TOM1: variants seen among roughly 807,000 people sequenced by gnomAD.
TOM1 encodes the protein target of Myb protein 1.
Under a neutral mutation model 61.3 loss-of-function variants are expected in TOM1, and 38 were observed. The observed-to-expected ratio is 0.62, with a 90% CI of 0.48 to 0.81. The LOEUF (loss-of-function observed/expected upper bound fraction) is 0.81, where lower values mean the gene tolerates loss of function less well. TOM1 is among the 40% of genes least tolerant of loss of function. The pLI is 0.00. For missense variants in TOM1, 591 were observed against 659.6 expected, an observed-to-expected ratio of 0.90 and a Z score of 1.14; for synonymous variants, 270 against 268.8, an observed-to-expected ratio of 1.00 and a Z score of -0.04.
intron 11 of TOM1, among the ~76,000 whole-genome samples, chr22:35,338,393 G>T (rs1478278826): frequency 6.6e-6 from 1 of 152,160 alleles, no homozygotes; most frequent in East Asian, 1.9e-4. Flanking sequence ...GGTCTGCTGG[G>T]AATTCTCCAT....
chr22:35,331,183 C>T (rs1349780715), intron 8 of TOM1: 3 of 379,956 alleles, frequency 7.9e-6, no homozygotes, highest in African/African-American at 4.3e-5. Flanking sequence ...GCAGCCTCAA[C>T]CTCCTGGGCT....
At position 35,323,368 on chromosome 22, in the gene TOM1, G is replaced by A. The variant is rs1928005915; in HGVS notation, c.367-128G>A. The A allele has an allele frequency of 1.4e-6, 2 of 1,395,992 alleles. No homozygotes were observed. The highest frequency in any genetic ancestry group is 9.8e-7 in the Non-Finnish European group (1 of 1,024,688). 86.5% of individuals were successfully genotyped at this position (1,395,992 alleles called of 1,614,324 possible). ...CAACTGCGTGCTTTGCTGTGGAGTGGGCAGGGCAGATGTAGTTAAAAAAAA... is the reference window on the plus strand; with the variant it reads ...CAACTGCGTGCTTTGCTGTGGAGTGAGCAGGGCAGATGTAGTTAAAAAAAA... On this transcript the variant is annotated intron_variant, in intron 4 of 14. Transcript: ENST00000449058. The surrounding 1 kb of genome is among the most constrained non-coding windows in gnomAD (Gnocchi z 4.2).
chr22:35,315,871 G>A (rs952058331), intron 1 of TOM1, among the ~76,000 whole-genome samples: 1 of 152,230 alleles, frequency 6.6e-6, no homozygotes, highest in Non-Finnish European at 1.5e-5. Flanking sequence ...CCTTAAAGCA[G>A]GGACCATGCC....
At position 35,332,586 on chromosome 22, in the gene TOM1, A is replaced by G. The variant is rs570639274; in HGVS notation, c.900-395A>G. The stretch of plus-strand genomic sequence containing the variant: ...TCTTACAGCACTGAAGAGAGCACTA[A>G]CACACACACACACACACACATACAC... On this transcript the variant is annotated intron_variant, in intron 8 of 14. Coordinates refer to ENST00000449058, the MANE Select transcript of TOM1 (RefSeq NM_005488.3). 1.1e-4 allele frequency among the ~76,000 whole-genome samples: 9 copies of G among 84,470 alleles called. No individual in the cohort carries two copies. In the South Asian group the frequency reaches 3.0e-3, roughly 28 times the overall value. The allele number at this position is 84,470 out of a possible 152,430, so 55.4% of individuals were successfully genotyped here. A position where few individuals can be genotyped will look rare whatever the true frequency, so the allele number is the denominator to read the frequency against.
At position 35,327,348 on chromosome 22, in the gene TOM1, G is replaced by A. The variant is rs1307806288; in HGVS notation, c.726G>A (p.Val242=). 3 of 1,613,792 alleles carry A rather than the reference G, an allele frequency of 1.9e-6. No individual in the cohort carries two copies. The highest frequency in any genetic ancestry group is 2.5e-6 in the Non-Finnish European group (3 of 1,179,998). ...RVMSEMLTEL[V]PTQAEPADLE... ...TGTCGGAGATGCTGACGGAGCTGGT[G>A]CCCACCCAGGCCGAGCCCGCAGACC... Residue 242 remains valine (V), a synonymous_variant, in exon 7 of 15, where the codon GTG becomes GTA. Transcript: ENST00000449058.
At chr22:35,343,386 A>G (rs1193679050) in intron 12 of TOM1, among the ~76,000 whole-genome samples, 3 of 98,406 alleles carry the variant, frequency 3.0e-5, no homozygotes, top group Admixed American at 2.4e-4. Flanking sequence ...ACACACCTCC[A>G]CTCATAAACC....
chr22:35,327,360 C>T lies in TOM1; in HGVS notation c.738C>T (p.Ala246=), dbSNP rs771800465. Residue 246 remains alanine, a synonymous_variant, in exon 7 of 15, where the codon GCC becomes GCT. Coordinates refer to ENST00000449058, the MANE Select transcript of TOM1 (RefSeq NM_005488.3). ...TGACGGAGCTGGTGCCCACCCAGGC[C>T]GAGCCCGCAGACCTGGAGCTGCTGC... ...EMLTELVPTQ[A]EPADLELLQE... is the part of the protein sequence containing the mutation. The T allele has an allele frequency of 6.8e-6, 11 of 1,613,584 alleles. No individual in the cohort carries two copies. Among genetic ancestry groups the T allele is most frequent in the South Asian group, 6.6e-5 (6 of 91,060 alleles).
intron 1 of TOM1, among the ~76,000 whole-genome samples, chr22:35,315,394 C>T (rs1014919192): frequency 2.0e-5 from 3 of 152,174 alleles, no homozygotes. Context: ...CTAACCCCCG[C>T]CCCAAAACCC....
At chr22:35,303,674 T>A (rs1173225992) in intron 1 of TOM1, among the ~76,000 whole-genome samples, 1 of 152,010 alleles carries the variant, frequency 6.6e-6, no homozygotes, top group African/African-American at 2.4e-5. Flanking sequence ...ATTTTTGTAT[T>A]TTTAGTAGAG....
At position 35,304,301 on chromosome 22, in the gene TOM1, C is replaced by T. The variant is rs1003444741; in HGVS notation, c.52+4321C>T. On this transcript the variant is annotated intron_variant, in intron 1 of 14. Coordinates refer to ENST00000449058, the MANE Select transcript of TOM1 (RefSeq NM_005488.3). ...TAAGGACATGTACATGGGTCTCACA[C>T]TTGCAGGCCCCTCCCCTCATCGATG... Among the ~76,000 whole-genome samples the T allele has an allele frequency of 4.6e-5, 7 of 152,154 alleles. 1 individual carries two copies. Among genetic ancestry groups the T allele is most frequent in the South Asian group, 2.1e-4 (1 of 4,810 alleles).
At chr22:35,336,175 C>T (rs1929314686) in intron 11 of TOM1, among the ~76,000 whole-genome samples, 1 of 152,220 alleles carries the variant, frequency 6.6e-6, no homozygotes, top group Admixed American at 6.5e-5. Context: ...ATTGGTTCTC[C>T]TGCAGGCCCT....
chr22:35,331,401 C>T (rs1432478557), intron 8 of TOM1: 1 of 442,678 alleles, frequency 2.3e-6, no homozygotes, highest in East Asian at 7.2e-5. Flanking sequence ...CATGAGCCAC[C>T]ACACCCACCT....
Position 35,334,427 on chromosome 22 carries a change from C to T in TOM1, c.1127C>T (p.Ser376Leu), listed in dbSNP as rs578218594. The change falls in exon 11 of 15, where the codon TCA becomes TTA. Residue 376 changes from serine (S) to leucine (L), a missense_variant. Ser to Leu is a moderately radical substitution (Grantham distance 145). Coordinates refer to ENST00000449058, the MANE Select transcript of TOM1 (RefSeq NM_005488.3). ...FDMFALTRGS[S>L]LADQRKEVKY... ...ATGTTTGCGCTGACACGGGGCAGCTCACTGGCTGACCAACGGAAAGAGTGA... is the reference window on the plus strand; with the variant it reads ...ATGTTTGCGCTGACACGGGGCAGCTTACTGGCTGACCAACGGAAAGAGTGA... 7.4e-6 allele frequency: 12 copies of T among 1,614,092 alleles called. No individual in the cohort carries two copies. In the Admixed American group the frequency reaches 1.2e-4, roughly 16 times the overall value.
chr22:35,339,268 T>G (rs1316331233), intron 12 of TOM1, among the ~76,000 whole-genome samples: 1 of 152,074 alleles, frequency 6.6e-6, no homozygotes, highest in Non-Finnish European at 1.5e-5. Flanking sequence ...ATGGTGGAAG[T>G]TGCAGGGAGC....
chr22:35,341,301 C>T (rs1569039560), intron 12 of TOM1, among the ~76,000 whole-genome samples: 2 of 152,300 alleles, frequency 1.3e-5, no homozygotes, highest in South Asian at 4.1e-4. Flanking sequence ...ACGGCACTTA[C>T]GCTTCGCAGT....
In TOM1 at chr22:35,346,870, C is replaced by T. The variant is rs940400315; in HGVS notation, c.1285-60C>T. ...GGGCCCGAGCTGCAGCACCACTGCC[C>T]CAGGCTGACCGTACTGGGGGCCCGG... On this transcript the variant is annotated intron_variant, in intron 13 of 14. Transcript: ENST00000449058. The T allele has an allele frequency of 8.2e-5, 126 of 1,535,212 alleles. 1 individual carries two copies. In the Middle Eastern group the frequency reaches 1.0e-3, roughly 13 times the overall value.
At chr22:35,305,084 C>T (rs1926197442) in intron 1 of TOM1, among the ~76,000 whole-genome samples, 1 of 152,208 alleles carries the variant, frequency 6.6e-6, no homozygotes, top group African/African-American at 2.4e-5. Context: ...GAAGGAATCA[C>T]AGAAGTGAGA....
chr22:35,299,956 A>G lies in TOM1; in HGVS notation c.28A>G (p.Ser10Gly). The change falls in exon 1 of 15, where the codon AGC becomes GGC. Residue 10 changes from serine to glycine, a missense_variant. Ser to Gly is a moderately conservative substitution (Grantham distance 56, BLOSUM62 0). Coordinates refer to ENST00000449058, the MANE Select transcript of TOM1 (RefSeq NM_005488.3). The part of the protein sequence containing the change: MDFLLGNPF[S>G]SPVGQRIEKA... Reference sequence around the variant, plus strand: ...GGACTTTCTCCTGGGGAACCCGTTCAGCTCTCCAGTGGGACAGCGCATCGG... The same window carrying G: ...GGACTTTCTCCTGGGGAACCCGTTCGGCTCTCCAGTGGGACAGCGCATCGG... 6.3e-7 allele frequency: 1 copy of G among 1,582,308 alleles called. No individual in the cohort carries two copies. The highest frequency in any genetic ancestry group is 8.6e-7 in the Non-Finnish European group (1 of 1,162,674).
At chr22:35,321,408 C>T (rs928905769) in intron 2 of TOM1, among the ~76,000 whole-genome samples, 10 of 151,412 alleles carry the variant, frequency 6.6e-5, no homozygotes, top group African/African-American at 2.4e-4. Context: ...GGCTGGAGTA[C>T]AGTGGCGCAA....
Sources: gnomAD v4.1 joint callset for allele counts (sites outside exome capture counted in the v4.1 genomes callset) on GRCh38, gnomAD v4.1.1 for gene constraint, Gnocchi (gnomAD v3.1) non-coding constraint, MANE v1.5 for transcripts, NCBI Gene and HGNC (gene_info 2026-07-23, HGNC 2026-07-21) for gene names.